Variants in SUGP2 observed in about 807,000 individuals in gnomAD.
SUGP2 encodes the protein SURP and G-patch domain-containing protein 2.
SUGP2 carries 24 observed loss-of-function variants against 90.5 expected under a neutral mutation model. That is an observed-to-expected ratio of 0.27 (90% confidence interval 0.19 to 0.37). The LOEUF (loss-of-function observed/expected upper bound fraction) is 0.37, where lower values mean the gene tolerates loss of function less well. Ranked by LOEUF, SUGP2 falls within the 10% of genes least tolerant of loss-of-function variation. The pLI is 1.00. For synonymous variants in SUGP2, 473 were observed against 513.4 expected (o/e 0.92, Z 1.06); for missense variants, 1,233 against 1,363.3 (o/e 0.90, Z 1.51).
At chr19:19,032,043 C>G (rs568652115) in intron 1 of SUGP2, among the ~76,000 whole-genome samples, 12 of 152,118 alleles carry the variant, frequency 7.9e-5, no homozygotes, top group African/African-American at 2.4e-4. Context: ...TCTGTGAAAG[C>G]AGTTCTATCT....
At chr19:19,012,338 C>T (rs566304951) in intron 4 of SUGP2, among the ~76,000 whole-genome samples, 8 of 152,300 alleles carry the variant, frequency 5.3e-5, no homozygotes, top group East Asian at 3.9e-4. Flanking sequence ...AAGGGCAGAG[C>T]GCAGAATCAG....
Position 18,994,489 on chromosome 19 carries a change from A to G in SUGP2, c.3129-3T>C. 6.2e-7 allele frequency: 1 copy of G among 1,613,378 alleles called. No homozygotes were observed. The highest frequency in any genetic ancestry group is 8.5e-7 in the Non-Finnish European group (1 of 1,179,606). On this transcript the variant is annotated splice_region_variant and splice_polypyrimidine_tract_variant and intron_variant, in intron 9 of 10. Transcript: ENST00000452918. Reference sequence around the variant, plus strand: ...CTTCCCCTTCCGAGGGGGTTCCCCTAGGGAGTGAAAAAGAGAGTCAGTTGT... The same window carrying G: ...CTTCCCCTTCCGAGGGGGTTCCCCTGGGGAGTGAAAAAGAGAGTCAGTTGT...
Position 18,993,315 on chromosome 19 carries a change from C to T in SUGP2, c.*426G>A, listed in dbSNP as rs1332844917. The T allele has an allele frequency of 1.3e-5, 2 of 152,164 alleles. No individual in the cohort carries two copies. Among genetic ancestry groups the T allele is most frequent in the South Asian group, 2.1e-4 (1 of 4,828 alleles). 9.4% of individuals were successfully genotyped at this position (152,164 alleles called of 1,614,324 possible). On this transcript the variant is annotated 3_prime_UTR_variant, in exon 11 of 11. Transcript: ENST00000452918. ...CCCCCGTATAAATTCTGGCGAACAA[C>T]GAGAAAACACCATCTGTGATCGTTT... is the stretch of plus-strand genomic sequence containing the variant.
rs751083852 is a variant in SUGP2, at chr19:19,026,122, C to G, written c.226G>C (p.Gly76Arg). Residue 76 changes from glycine (G) to arginine (R), a missense_variant, in exon 3 of 11, where the codon GGA (glycine) becomes CGA (arginine). Physicochemically the swap from Gly to Arg is moderately radical, Grantham distance 125. Around this residue, in one of 8 missense-constraint regions of SUGP2, gnomAD observed 418 missense variants for 399.9 expected, o/e 1.05. Transcript: ENST00000452918. ...ACGTCACTTCTCAGGCCTTCTCTTCCGGCATCTCTAGAGTGAGCTACAGAT... is the reference window on the plus strand; with the variant it reads ...ACGTCACTTCTCAGGCCTTCTCTTCGGGCATCTCTAGAGTGAGCTACAGAT... ...SGSVAHSRDA[G>R]REGLRSDVFP... 2 of 1,614,040 alleles carry G rather than the reference C, an allele frequency of 1.2e-6. No individual in the cohort carries two copies. Among genetic ancestry groups the G allele is most frequent in the South Asian group, 2.2e-5 (2 of 91,080 alleles).
intron 2 of SUGP2, among the ~76,000 whole-genome samples, chr19:19,027,788 C>T (rs2058992461): frequency 6.6e-6 from 1 of 152,170 alleles, no homozygotes; most frequent in African/African-American, 2.4e-5. Flanking sequence ...CAGGCACCCG[C>T]CACCATGCCC....
chr19:19,008,564 G>A, intron 5 of SUGP2, 136 bp from the exon 6 acceptor site: 1 of 717,840 alleles, frequency 1.4e-6, no homozygotes, highest in South Asian at 1.5e-5. Context: ...CGTCACATGT[G>A]GACCCTTTGT....
rs369923384 is a variant in SUGP2, at chr19:19,025,998, T to G, written c.350A>C (p.Asp117Ala). The G allele has an allele frequency of 6.2e-7, 1 of 1,613,908 alleles. No homozygotes were observed. The highest frequency in any genetic ancestry group is 1.3e-5 in the African/African-American group (1 of 74,868). ...CGRDLEFSHS[D>A]SRDQVIGHRK... ...GTGGCCAATGACCTGGTCCCGAGAATCAGAGTGAGAAAATTCCAGATCCCG... is the reference window on the plus strand; with the variant it reads ...GTGGCCAATGACCTGGTCCCGAGAAGCAGAGTGAGAAAATTCCAGATCCCG... Residue 117 changes from aspartate to alanine, a missense_variant, in exon 3 of 11, where the codon GAT becomes GCT. This residue lies in a region of SUGP2 where 418 missense variants were observed against 399.9 expected (regional missense o/e 1.05). Transcript: ENST00000452918.
chr19:18,993,329 C>A lies in SUGP2; in HGVS notation c.*412G>T, dbSNP rs568682595. 3 of 152,322 alleles carry A rather than the reference C, an allele frequency of 2.0e-5. No individual in the cohort carries two copies. Among genetic ancestry groups the A allele is most frequent in the Non-Finnish European group, 4.4e-5 (3 of 68,036 alleles). The allele number at this position is 152,322 out of a possible 1,614,324, so 9.4% of individuals were successfully genotyped here. ...CTGGCGAACAACGAGAAAACACCAT[C>A]TGTGATCGTTTCCACATCACGTTTG... On this transcript the variant is annotated 3_prime_UTR_variant, in exon 11 of 11. Coordinates refer to ENST00000452918, the MANE Select transcript of SUGP2 (RefSeq NM_001017392.5).
chr19:19,033,255 G>A (rs896096810), intron 1 of SUGP2, 182 bp downstream of exon 1: 6 of 549,650 alleles, frequency 1.1e-5, no homozygotes, highest in Non-Finnish European at 1.4e-5. Flanking sequence ...GGAAATGGGG[G>A]CGCCGGGCCC....
At position 18,995,285 on chromosome 19, in the gene SUGP2, GGA is replaced by G; in HGVS notation, c.2992-7_2992-6del. ...GAAGTCCAAGTCCTTGGGTTTCTGA[GGA>G]GAGAGGAGAGTCCAGGCATGTGGGC... On this transcript the variant is annotated splice_region_variant and splice_polypyrimidine_tract_variant and intron_variant, in intron 8 of 10. Coordinates refer to ENST00000452918, the MANE Select transcript of SUGP2 (RefSeq NM_001017392.5). 6.2e-7 allele frequency: 1 copy of G among 1,600,164 alleles called. No homozygotes were observed. Among genetic ancestry groups the G allele is most frequent in the African/African-American group, 1.3e-5 (1 of 74,780 alleles).
In SUGP2 at chr19:19,004,638, T is replaced by G; in HGVS notation, c.2459A>C (p.His820Pro). The G allele has an allele frequency of 6.2e-7, 1 of 1,601,762 alleles. No homozygotes were observed. The highest frequency in any genetic ancestry group is 8.5e-7 in the Non-Finnish European group (1 of 1,172,296). Residue 820 changes from histidine to proline, a missense_variant, in exon 7 of 11, where the codon CAT (histidine) becomes CCT (proline). Around this residue, in one of 8 missense-constraint regions of SUGP2, gnomAD observed 540 missense variants for 542.6 expected, o/e 1.00. Transcript: ENST00000452918. ...TTTGAAAGCAGAACTATTTTGGTCA[T>G]GTAGAAACCTGGGGCACAGAGGAAA... The part of the protein sequence containing the change: ...STDNPDLWFL[H>P]DQNSSAFKFY...
At chr19:18,994,326 G>A (rs750372293) in intron 10 of SUGP2, 40 bp downstream of exon 10, 3 of 1,597,898 alleles carry the variant, frequency 1.9e-6, no homozygotes, top group Non-Finnish European at 8.6e-7. Context: ...CAGCACGCCA[G>A]CGAGGGCAGA....
chr19:19,024,690 C>T lies in SUGP2; in HGVS notation c.1658G>A (p.Arg553Gln), dbSNP rs1411567848. The stretch of plus-strand genomic sequence containing the variant: ...AGGAGGAATCATTTTCTCCTCCTCT[C>T]GCATCGGCTCTGGTTCGGCTTTCTT... ...QVKKAEPEPMREEEKMIPPTK... is the reference protein window; with the variant it reads ...QVKKAEPEPMQEEEKMIPPTK... The change falls in exon 3 of 11, where the codon CGA becomes CAA. Residue 553 changes from arginine to glutamine, a missense_variant. This residue lies in a region of SUGP2 where 540 missense variants were observed against 542.6 expected (regional missense o/e 1.00). Coordinates refer to ENST00000452918, the MANE Select transcript of SUGP2 (RefSeq NM_001017392.5). 7.4e-6 allele frequency: 12 copies of T among 1,614,076 alleles called. No homozygotes were observed. Among genetic ancestry groups the T allele is most frequent in the Middle Eastern group, 1.6e-4 (1 of 6,084 alleles).
At chr19:19,012,989 G>A (rs1486160755) in intron 4 of SUGP2, among the ~76,000 whole-genome samples, 6 of 151,942 alleles carry the variant, frequency 3.9e-5, no homozygotes, top group Non-Finnish European at 8.8e-5. Flanking sequence ...TCATCCTCCC[G>A]AGTAGCTGGG....
intron 3 of SUGP2, among the ~76,000 whole-genome samples, chr19:19,020,472 C>T (rs2058681078): frequency 6.7e-6 from 1 of 148,352 alleles, no homozygotes; most frequent in Non-Finnish European, 1.5e-5. Flanking sequence ...GAGATGGGGT[C>T]TCACTCTGTT....
At chr19:19,031,698 C>T (rs73008923) in intron 1 of SUGP2, among the ~76,000 whole-genome samples, 2 of 151,674 alleles carry the variant, frequency 1.3e-5, no homozygotes, top group African/African-American at 2.4e-5. Flanking sequence ...GCGAGACTGT[C>T]TCAAAGAAAA....
At chr19:19,033,725 G>T (rs1421893461), upstream of SUGP2, 2 of 265,192 alleles carry the variant, frequency 7.5e-6, no homozygotes, top group Admixed American at 5.3e-5. Flanking sequence ...CGGCAAAGAC[G>T]CCTCCGTCGC....
chr19:18,995,103 G>A (rs748170412), intron 9 of SUGP2, 41 bp downstream of exon 9: 42 of 1,600,546 alleles, frequency 2.6e-5, no homozygotes, highest in Admixed American at 3.4e-5. Context: ...TGGAAGGACT[G>A]AGGCCCCACC....
At chr19:19,011,291 G>A (rs1430053694) in intron 4 of SUGP2, among the ~76,000 whole-genome samples, 1 of 151,492 alleles carries the variant, frequency 6.6e-6, no homozygotes, top group Non-Finnish European at 1.5e-5. Context: ...GGGACTACAG[G>A]CGCGCACCAC....
Sources: gnomAD v4.1 joint callset for allele counts (sites outside exome capture counted in the v4.1 genomes callset) on GRCh38, gnomAD v4.1.1 for gene constraint, gnomAD v4.1.1 regional missense constraint, MANE v1.5 for transcripts, NCBI Gene and HGNC (gene_info 2026-07-23, HGNC 2026-07-21) for gene names.